The following CABLES2 variants were observed in gnomAD, a reference collection of about 807,000 sequenced individuals.
The protein encoded by CABLES2 is CDK5 and ABL1 enzyme substrate 2.
CABLES2 carries 35 observed loss-of-function variants against 44.8 expected under a neutral mutation model. That is an observed-to-expected ratio of 0.78 (90% CI 0.60 to 1.04). The LOEUF (loss-of-function observed/expected upper bound fraction) is 1.04, where lower values mean the gene tolerates loss of function less well. CABLES2 is among the 50% of genes least tolerant of loss of function. CABLES2 has a pLI of 0.00. For synonymous variants in CABLES2, 282 were observed against 281.1 expected, an observed-to-expected ratio of 1.00 and a Z score of -0.03; for missense variants, 566 against 615.7, an observed-to-expected ratio of 0.92 and a Z score of 0.85.
In CABLES2 at chr20:62,396,187, A is replaced by T; in HGVS notation, c.527+128T>A. ...GTGGTGGGGAGGAGGGCCCACCTCT[A>T]GAGGTGTGGAGTGTGGGGTGGGCGG... On this transcript the variant is annotated intron_variant, in intron 3 of 9. Coordinates refer to ENST00000279101, the MANE Select transcript of CABLES2 (RefSeq NM_031215.3). The surrounding 1 kb of genome is among the most constrained non-coding windows in gnomAD (Gnocchi z 5.7). 1 of 768,810 alleles carries T rather than the reference A, an allele frequency of 1.3e-6. No individual in the cohort carries two copies. Among genetic ancestry groups the T allele is most frequent in the Non-Finnish European group, 2.3e-6 (1 of 443,938 alleles). The allele number at this position is 768,810 out of a possible 1,614,324, so 47.6% of individuals were successfully genotyped here. A position where few individuals can be genotyped will look rare whatever the true frequency, so the allele number is the denominator to read the frequency against.
chr20:62,392,874 C>G (rs1459243163), intron 7 of CABLES2, 46 bp downstream of exon 7: 4 of 1,547,850 alleles, frequency 2.6e-6, no homozygotes, highest in Non-Finnish European at 3.6e-6. Context: ...CGAGCCAGGA[C>G]AGGTGTGCAG....
In CABLES2 at chr20:62,390,957, CT is replaced by C; in HGVS notation, c.*13del. 6.2e-7 allele frequency: 1 copy of C among 1,613,782 alleles called. No homozygotes were observed. Among genetic ancestry groups the C allele is most frequent in the Non-Finnish European group, 8.5e-7 (1 of 1,179,790 alleles). On this transcript the variant is annotated 3_prime_UTR_variant, in exon 10 of 10. Transcript: ENST00000279101. ...AGTGCACCTCGGTGCCCTGAGCCTT[CT>C]GTGGGGCCTCTGCTAGAACTGCTGG...
intron 1 of CABLES2, among the ~76,000 whole-genome samples, chr20:62,400,007 AAATCTTT>A (rs1337462336): frequency 1.3e-5 from 2 of 152,222 alleles, no homozygotes; most frequent in African/African-American, 4.8e-5. Context: ...GATGTGATTA[AAATCTTT>A]TAAAAGGCAA....
At position 62,391,048 on chromosome 20, in the gene CABLES2, C is replaced by A; in HGVS notation, c.1360G>T (p.Val454Leu). The change falls in exon 10 of 10, where the codon GTG becomes TTG. Residue 454 changes from valine (V) to leucine (L), a missense_variant. Physicochemically the swap from Val to Leu is conservative, Grantham distance 32. Around this residue, in one of 2 missense-constraint regions of CABLES2, gnomAD observed 436 missense variants for 536.3 expected, o/e 0.81. Coordinates refer to ENST00000279101, the MANE Select transcript of CABLES2 (RefSeq NM_031215.3). The surrounding 1 kb of genome is among the most constrained non-coding windows in gnomAD (Gnocchi z 5.7). ...DLIGFEFTVL[V>L]ALELALYLPE... The stretch of plus-strand genomic sequence containing the variant: ...AGATACAGGGCCAGCTCCAAGGCCA[C>A]GAGCACTGTGAACTCAAACCCTATC... The A allele has an allele frequency of 6.2e-7, 1 of 1,614,146 alleles. No individual in the cohort carries two copies. Among genetic ancestry groups the A allele is most frequent in the Non-Finnish European group, 8.5e-7 (1 of 1,180,028 alleles).
In CABLES2 at chr20:62,394,992, G is replaced by A. The variant is rs747530163; in HGVS notation, c.550C>T (p.Arg184Trp). ...NSRIVLICAK[R>W]SLCAAFSVLP... ...ACCGAGAAGGCCGCGCACAGGGACC[G>A]CTTGGCACAGATGAGCACGATCCTG... Residue 184 changes from arginine to tryptophan, a missense_variant, in exon 4 of 10, where the codon CGG (arginine) becomes TGG (tryptophan). Transcript: ENST00000279101. The A allele has an allele frequency of 4.8e-5, 78 of 1,612,804 alleles. No individual in the cohort carries two copies. Among genetic ancestry groups the A allele is most frequent in the South Asian group, 1.2e-4 (11 of 91,084 alleles).
At position 62,389,932 on chromosome 20, in the gene CABLES2, G is replaced by T. The variant is rs573788889; in HGVS notation, c.*1039C>A. The T allele has an allele frequency of 6.6e-6, 1 of 152,302 alleles. No homozygotes were observed. The highest frequency in any genetic ancestry group is 2.4e-5 in the African/African-American group (1 of 41,548). The allele number at this position is 152,302 out of a possible 1,614,324, so 9.4% of individuals were successfully genotyped here. On this transcript the variant is annotated 3_prime_UTR_variant, in exon 10 of 10. Coordinates refer to ENST00000279101, the MANE Select transcript of CABLES2 (RefSeq NM_031215.3). ...ATGGCACCTGTTTCCTGCCTCAGAAGAAAAGGCACTGACGCACTGACCCTT... is the reference window on the plus strand; with the variant it reads ...ATGGCACCTGTTTCCTGCCTCAGAATAAAAGGCACTGACGCACTGACCCTT...
In CABLES2 at chr20:62,396,452, T is replaced by C; in HGVS notation, c.435-45A>G. 9.3e-6 allele frequency: 15 copies of C among 1,612,118 alleles called. No homozygotes were observed. The highest frequency in any genetic ancestry group is 1.3e-5 in the Non-Finnish European group (15 of 1,178,286). ...GGTCACTCTTTTCCTCCCAGGACCC[T>C]CTGGCCCCGCAGGGGTCAGTGGCAG... On this transcript the variant is annotated intron_variant, in intron 2 of 9. Coordinates refer to ENST00000279101, the MANE Select transcript of CABLES2 (RefSeq NM_031215.3). This position sits in a 1 kb window ranked among gnomAD's most constrained non-coding sequence, Gnocchi z 5.7.
At chr20:62,398,794 C>T (rs1464659098) in intron 1 of CABLES2, among the ~76,000 whole-genome samples, 2 of 152,212 alleles carry the variant, frequency 1.3e-5, no homozygotes, top group African/African-American at 4.8e-5. Context: ...GAGAGTGCCA[C>T]AGCCACCACC....
At chr20:62,400,419 T>G (rs2146427228) in intron 1 of CABLES2, among the ~76,000 whole-genome samples, 2 of 151,614 alleles carry the variant, frequency 1.3e-5, no homozygotes, top group East Asian at 2.0e-4. Flanking sequence ...CTGTGATGGG[T>G]GACGGCGGAC....
chr20:62,407,216 G>T lies in CABLES2; in HGVS notation c.61C>A (p.Pro21Thr). 1.0e-6 allele frequency: 1 copy of T among 961,496 alleles called. No individual in the cohort carries two copies. Among genetic ancestry groups the T allele is most frequent in the Non-Finnish European group, 1.2e-6 (1 of 811,074 alleles). The allele number at this position is 961,496 out of a possible 1,614,324, so 59.6% of individuals were successfully genotyped here. A position where few individuals can be genotyped will look rare whatever the true frequency, so the allele number is the denominator to read the frequency against. The change falls in exon 1 of 10, where the codon CCA becomes ACA. Residue 21 changes from proline (P) to threonine (T), a missense_variant. Pro to Thr is a conservative substitution (Grantham distance 38). Around this residue, in one of 2 missense-constraint regions of CABLES2, gnomAD observed 130 missense variants for 79.4 expected, o/e 1.64. Coordinates refer to ENST00000279101, the MANE Select transcript of CABLES2 (RefSeq NM_031215.3). The stretch of plus-strand genomic sequence containing the variant: ...GCGGCCGAGGTCGGCGCGGCGGGTG[G>T]CGGGGGCCCGGCGGGGCCGGGGGCC... ...GPAPGPAGPP[P>T]PAAPTSAARA...
chr20:62,389,884 C>G lies in CABLES2; in HGVS notation c.*1087G>C, dbSNP rs555552516. 6 of 152,338 alleles carry G rather than the reference C, an allele frequency of 3.9e-5. 1 individual carries two copies. The highest frequency in any genetic ancestry group is 3.4e-3 in the Middle Eastern group (1 of 294). 9.4% of individuals were successfully genotyped at this position (152,338 alleles called of 1,614,324 possible). On this transcript the variant is annotated 3_prime_UTR_variant, in exon 10 of 10. Transcript: ENST00000279101. ...TTTGGGGTCCTTTTAGCATGGTGGG[C>G]TGCCCTGGCCGAGGTGGCCAAGATG...
chr20:62,397,986 GT>G (rs1988065040), intron 1 of CABLES2, among the ~76,000 whole-genome samples: 1 of 87,298 alleles, frequency 1.1e-5, no homozygotes, highest in African/African-American at 4.7e-5. Context: ...GGTGATGGCG[GT>G]GGTGGTGATG....
intron 8 of CABLES2, 99 bp downstream of exon 8, chr20:62,392,290 G>A: frequency 2.2e-6 from 2 of 905,250 alleles, no homozygotes; most frequent in Non-Finnish European, 1.8e-6. Flanking sequence ...ATGGGCAGCG[G>A]CTAGACTTGT....
intron 1 of CABLES2, among the ~76,000 whole-genome samples, chr20:62,398,202 G>A (rs112250869): frequency 1.4e-3 from 155 of 112,540 alleles, no homozygotes; most frequent in Non-Finnish European, 2.0e-3. Flanking sequence ...GATGATGGTG[G>A]TGATGGTGAT....
chr20:62,397,989 G>GGTGATGATGGTGA, intron 1 of CABLES2, among the ~76,000 whole-genome samples: 1 of 58,318 alleles, frequency 1.7e-5, no homozygotes, highest in African/African-American at 5.3e-5. Flanking sequence ...GATGGCGGTG[G>GGTGATGATGGTGA]TGGTGATGAT....
At chr20:62,398,098 T>A (rs1320422145) in intron 1 of CABLES2, among the ~76,000 whole-genome samples, 1 of 135,710 alleles carries the variant, frequency 7.4e-6, no homozygotes, top group Non-Finnish European at 1.6e-5. Flanking sequence ...ACGGTGGTGG[T>A]GGTGGTGATG....
intron 1 of CABLES2, among the ~76,000 whole-genome samples, chr20:62,397,827 TCTGAGGATCCTGCCTGCCCTGCAGGG>T: frequency 6.6e-6 from 1 of 151,016 alleles, no homozygotes. Flanking sequence ...GCGTGGCACG[TCTGAGGATCCTGCCTGCCCTGCAGGG>T]CTGTTGGCCC....
At chr20:62,393,077 G>T in intron 6 of CABLES2, 54 bp from the exon 7 acceptor site, 1 of 1,490,330 alleles carries the variant, frequency 6.7e-7, no homozygotes. Context: ...TACCCATCTA[G>T]CCCCAAGGCC....
chr20:62,400,261 A>G (rs974877866), intron 1 of CABLES2, among the ~76,000 whole-genome samples: 2 of 150,248 alleles, frequency 1.3e-5, no homozygotes, highest in African/African-American at 4.9e-5. Flanking sequence ...GCTGGCCTGC[A>G]CAGTGGGGTG....
Sources: gnomAD v4.1 joint callset for allele counts (sites outside exome capture counted in the v4.1 genomes callset) on GRCh38, gnomAD v4.1.1 for gene constraint, gnomAD v4.1.1 regional missense constraint, Gnocchi (gnomAD v3.1) non-coding constraint, MANE v1.5 for transcripts, NCBI Gene and HGNC (gene_info 2026-07-23, HGNC 2026-07-21) for gene names.